ARHGAP26: variants seen among roughly 807,000 people sequenced by gnomAD.
ARHGAP26 encodes the protein Rho GTPase activating protein 26.
A neutral mutation model predicts 104.8 loss-of-function variants in ARHGAP26; 38 were observed. The observed-to-expected ratio is 0.36, with a 90% CI of 0.28 to 0.48. ARHGAP26 has a LOEUF of 0.48. ARHGAP26 is among the 20% of genes least tolerant of loss of function. ARHGAP26 has a pLI of 0.99. For missense variants in ARHGAP26, 704 were observed against 947.9 expected (o/e 0.74, Z 3.38); for synonymous variants, 341 against 340.0 (o/e 1.00, Z -0.03).
At chr5:143,201,104 A>C (rs1807648295) in intron 20 of ARHGAP26, among the ~76,000 whole-genome samples, 1 of 152,120 alleles carries the variant, frequency 6.6e-6, no homozygotes, top group Non-Finnish European at 1.5e-5. Flanking sequence ...GGACTGTCTG[A>C]CTCCTTTTGA....
At chr5:142,870,823 G>A (rs1431696322) in intron 1 of ARHGAP26, among the ~76,000 whole-genome samples, 1 of 152,172 alleles carries the variant, frequency 6.6e-6, no homozygotes, top group African/African-American at 2.4e-5. Context: ...GGATTGGGGT[G>A]GGGGCAAGGG....
chr5:142,932,151 G>C (rs1449185882), intron 11 of ARHGAP26, 26 bp downstream of exon 11: 2 of 1,608,116 alleles, frequency 1.2e-6, no homozygotes, highest in East Asian at 4.5e-5. Context: ...GGGAAGTAGA[G>C]CAAGAATGAA....
intron 1 of ARHGAP26, among the ~76,000 whole-genome samples, chr5:142,811,745 G>T (rs1050495505): frequency 1.3e-5 from 2 of 152,230 alleles, no homozygotes; most frequent in Admixed American, 1.3e-4. Context: ...TGCCTGGCGT[G>T]CAGCTATTAC....
Position 143,124,414 on chromosome 5 carries a change from C to G in ARHGAP26, c.1698+3267C>G, listed in dbSNP as rs183297460. ...TTAAAATAGCAATTATTTTATTACT[C>G]TCAATTCTGTGAGTCAGAAATTTGA... On this transcript the variant is annotated intron_variant, in intron 18 of 22. Coordinates refer to ENST00000645722, the MANE Select transcript of ARHGAP26 (RefSeq NM_001135608.3). Among the ~76,000 whole-genome samples the G allele has an allele frequency of 2.6e-5, 4 of 152,358 alleles. No individual in the cohort carries two copies. In the East Asian group the frequency reaches 5.8e-4, roughly 22 times the overall value.
chr5:143,059,083 C>T (rs1398669297), intron 17 of ARHGAP26, among the ~76,000 whole-genome samples: 1 of 152,232 alleles, frequency 6.6e-6, no homozygotes, highest in African/African-American at 2.4e-5. Flanking sequence ...CAGTTCCACA[C>T]AACCTAGAGT....
At chr5:142,954,302 C>A (rs1432738817) in intron 11 of ARHGAP26, among the ~76,000 whole-genome samples, 1 of 152,212 alleles carries the variant, frequency 6.6e-6, no homozygotes, top group Non-Finnish European at 1.5e-5. Context: ...GCTTTCTCTG[C>A]TCCCGTGGTC....
chr5:143,113,834 A>C (rs554038477), intron 17 of ARHGAP26, among the ~76,000 whole-genome samples: 61 of 152,180 alleles, frequency 4.0e-4, no homozygotes, highest in African/African-American at 1.4e-3. Context: ...CCCTACGGTG[A>C]CTTCATTTTG....
At chr5:142,977,267 A>G (rs954850783) in intron 11 of ARHGAP26, among the ~76,000 whole-genome samples, 49 of 152,342 alleles carry the variant, frequency 3.2e-4, no homozygotes, top group African/African-American at 1.2e-3. Flanking sequence ...AGAAAATTAT[A>G]TAAAAGTAAC....
At chr5:143,085,852 C>T (rs927471749) in intron 17 of ARHGAP26, among the ~76,000 whole-genome samples, 1 of 152,192 alleles carries the variant, frequency 6.6e-6, no homozygotes, top group Admixed American at 6.5e-5. Flanking sequence ...TCATTGGAAA[C>T]CATCTTGGTT....
chr5:143,027,712 A>G lies in ARHGAP26; in HGVS notation c.1145-9484A>G, dbSNP rs563104077. ...AAAGTGGAACAATCCAGCATTCCAT[A>G]TTAAGATGCATAGCACTGGCAAATA... On this transcript the variant is annotated intron_variant, in intron 12 of 22. Transcript: ENST00000645722. 5.3e-5 allele frequency among the ~76,000 whole-genome samples: 8 copies of G among 152,348 alleles called. No homozygotes were observed. In the South Asian group the frequency reaches 1.7e-3, roughly 32 times the overall value.
At chr5:143,187,413 T>C (rs1805313803) in intron 20 of ARHGAP26, among the ~76,000 whole-genome samples, 1 of 152,226 alleles carries the variant, frequency 6.6e-6, no homozygotes, top group Non-Finnish European at 1.5e-5. Context: ...TATGAGATCA[T>C]GGAATGGCAT....
chr5:142,960,067 C>T (rs938326560), intron 11 of ARHGAP26, among the ~76,000 whole-genome samples: 1 of 152,252 alleles, frequency 6.6e-6, no homozygotes, highest in African/African-American at 2.4e-5. Flanking sequence ...AAGACAGAGT[C>T]ATGGCCTCAT....
intron 1 of ARHGAP26, among the ~76,000 whole-genome samples, chr5:142,798,633 G>C (rs1761456123): frequency 6.6e-6 from 1 of 152,224 alleles, no homozygotes; most frequent in African/African-American, 2.4e-5. Flanking sequence ...GATGGTGCAA[G>C]TACACTTTGT....
chr5:142,875,814 C>G (rs190203960), intron 3 of ARHGAP26, among the ~76,000 whole-genome samples: 4 of 152,314 alleles, frequency 2.6e-5, no homozygotes, highest in Admixed American at 6.5e-5. Context: ...CATCATAGCT[C>G]ACTACAGCTT....
At chr5:142,821,772 T>C (rs1252267985) in intron 1 of ARHGAP26, among the ~76,000 whole-genome samples, 1 of 152,200 alleles carries the variant, frequency 6.6e-6, no homozygotes, top group Non-Finnish European at 1.5e-5. Context: ...GGAATTTTTA[T>C]TAAGAAAAGC....
chr5:142,849,584 C>CT, intron 1 of ARHGAP26, among the ~76,000 whole-genome samples: 1 of 152,146 alleles, frequency 6.6e-6, no homozygotes, highest in Middle Eastern at 3.2e-3. Flanking sequence ...GGTTCCCTTC[C>CT]TTGTGGGCTT....
At chr5:143,035,679 T>C (rs7702357) in intron 12 of ARHGAP26, among the ~76,000 whole-genome samples, 3,575 of 152,226 alleles carry the variant, frequency 0.023, 143 homozygotes, top group African/African-American at 0.081. Flanking sequence ...CTCACGCCTG[T>C]AATCCCAGCA....
At chr5:142,954,730 A>G (rs1313390422) in intron 11 of ARHGAP26, among the ~76,000 whole-genome samples, 5 of 152,166 alleles carry the variant, frequency 3.3e-5, no homozygotes, top group African/African-American at 7.2e-5. Context: ...TATGACGTCA[A>G]CTCAGATGTG....
At chr5:142,879,571 C>A in intron 4 of ARHGAP26, 126 bp downstream of exon 4, 1 of 878,884 alleles carries the variant, frequency 1.1e-6, no homozygotes, top group South Asian at 1.8e-5. Flanking sequence ...TTCAGAAAAT[C>A]TTAGGCAGAA....
Sources: gnomAD v4.1 joint callset for allele counts (sites outside exome capture counted in the v4.1 genomes callset) on GRCh38, gnomAD v4.1.1 for gene constraint, MANE v1.5 for transcripts, NCBI Gene and HGNC (gene_info 2026-07-23, HGNC 2026-07-21) for gene names.